MDN1: variants seen among roughly 807,000 people sequenced by gnomAD.
The protein encoded by MDN1 is midasin.
In MDN1, 266 loss-of-function variants were observed where a neutral mutation model predicts 669.2. The observed-to-expected ratio is 0.40, with a 90% confidence interval of 0.36 to 0.44. The LOEUF is 0.44. MDN1 is among the 20% of genes least tolerant of loss of function. The pLI is 1.00. For missense variants in MDN1, 5,940 were observed against 6,754.0 expected, an observed-to-expected ratio of 0.88 and a Z score of 4.22; for synonymous variants, 2,385 against 2,457.1, an observed-to-expected ratio of 0.97 and a Z score of 0.87.
Position 89,692,596 on chromosome 6 carries a change from G to A in MDN1, c.10434C>T (p.Arg3478=), listed in dbSNP as rs1169303955. 3 of 1,614,234 alleles carry A rather than the reference G, an allele frequency of 1.9e-6. No individual in the cohort carries two copies. Among genetic ancestry groups the A allele is most frequent in the Non-Finnish European group, 2.5e-6 (3 of 1,180,036 alleles). ...TGCCTTCCAGCTCCTTTCCTCCTGA[G>A]CGCTTGAGGATTAGCTTCCCAAGGC... ...LRGLGKLILK[R]SGGKELEGKG... is the part of the protein sequence containing the mutation. Residue 3478 remains arginine, a synonymous_variant, in exon 63 of 102, where the codon CGC becomes CGT. Coordinates refer to ENST00000369393, the MANE Select transcript of MDN1 (RefSeq NM_014611.3).
chr6:89,793,206 G>A (rs886371946), intron 5 of MDN1, among the ~76,000 whole-genome samples: 1 of 152,178 alleles, frequency 6.6e-6, no homozygotes, highest in African/African-American at 2.4e-5. Flanking sequence ...GAGGCTGCTG[G>A]GAGTCATCTC....
At chr6:89,749,165 A>T in intron 26 of MDN1, 58 bp downstream of exon 26, 1 of 1,453,788 alleles carries the variant, frequency 6.9e-7, no homozygotes, top group Non-Finnish European at 9.3e-7. Context: ...CTAACAAAAG[A>T]AGCCATGAAA....
At chr6:89,736,626 CAA>C (rs55799103) in intron 33 of MDN1, among the ~76,000 whole-genome samples, 1 of 150,376 alleles carries the variant, frequency 6.6e-6, no homozygotes, top group African/African-American at 2.4e-5. Context: ...CCCCATCTCT[CAA>C]AAAAAAAACA....
intron 88 of MDN1, 38 bp from the exon 89 acceptor site, chr6:89,658,955 T>C (rs755092948): frequency 9.8e-6 from 15 of 1,537,774 alleles, no homozygotes; most frequent in Admixed American, 2.1e-5. Context: ...TGCAGAATTT[T>C]TGAAACGTAC....
At chr6:89,819,281 G>A (rs544618549) in intron 1 of MDN1, among the ~76,000 whole-genome samples, 1 of 152,274 alleles carries the variant, frequency 6.6e-6, no homozygotes, top group Admixed American at 6.5e-5. Flanking sequence ...CGATGGGAAG[G>A]GTACTGGAAG....
chr6:89,739,804 G>A (rs1254498337), intron 32 of MDN1, among the ~76,000 whole-genome samples: 1 of 152,200 alleles, frequency 6.6e-6, no homozygotes, highest in African/African-American at 2.4e-5. Flanking sequence ...AGGGTTCCTG[G>A]TTGTGACTTT....
At chr6:89,749,150 T>G (rs1816824827) in intron 26 of MDN1, 73 bp downstream of exon 26, 1 of 1,401,600 alleles carries the variant, frequency 7.1e-7, no homozygotes, top group Admixed American at 2.3e-5. Flanking sequence ...GACAGATTCT[T>G]TTTTCTAACA....
intron 14 of MDN1, among the ~76,000 whole-genome samples, chr6:89,772,113 A>T (rs369350105): frequency 5.3e-5 from 8 of 152,222 alleles, no homozygotes; most frequent in Admixed American, 3.3e-4. Context: ...AAAACTTTAA[A>T]AATTAGCCAG....
chr6:89,739,354 G>C (rs1313644723), intron 32 of MDN1, among the ~76,000 whole-genome samples: 1 of 152,064 alleles, frequency 6.6e-6, no homozygotes, highest in Admixed American at 6.5e-5. Context: ...ATTTCTACTT[G>C]CCCAGAAGCC....
chr6:89,664,888 T>TGTCTTTGTAGGATAATTTGCAAGA (rs1810075370), intron 84 of MDN1, among the ~76,000 whole-genome samples: 1 of 152,214 alleles, frequency 6.6e-6, no homozygotes, highest in African/African-American at 2.4e-5. Context: ...CAAGAATATA[T>TGTCTTTGTAGGATAATTTGCAAGA]ATTCTTTGTA....
In MDN1 at chr6:89,728,343, A is replaced by T. The variant is rs572161330; in HGVS notation, c.5350-388T>A. 2.5e-3 allele frequency among the ~76,000 whole-genome samples: 375 copies of T among 152,056 alleles called. 2 individuals are homozygous for T. Among genetic ancestry groups the T allele is most frequent in the African/African-American group, 8.2e-3 (339 of 41,482 alleles). ...AGTCATTTTATTTCTACCACTTTTT[A>T]AAAAAAAATTTAAGCAAAAAATTAA... On this transcript the variant is annotated intron_variant, in intron 36 of 101. Coordinates refer to ENST00000369393, the MANE Select transcript of MDN1 (RefSeq NM_014611.3).
At chr6:89,819,429 C>A in intron 1 of MDN1, 77 bp downstream of exon 1, 2 of 1,307,922 alleles carry the variant, frequency 1.5e-6, no homozygotes, top group South Asian at 1.3e-5. Context: ...CGGCGAGTAT[C>A]GGCGGGGGAG....
intron 2 of MDN1, chr6:89,797,855 C>T (rs1819688470): frequency 5.3e-6 from 1 of 187,796 alleles, no homozygotes; most frequent in Non-Finnish European, 1.1e-5. Flanking sequence ...GATCTCCTTA[C>T]ACAGCAGCCA....
At chr6:89,661,685 C>T in intron 87 of MDN1, 107 bp from the exon 88 acceptor site, 4 of 1,067,912 alleles carry the variant, frequency 3.7e-6, no homozygotes, top group South Asian at 1.8e-5. Context: ...TGAGAGAACA[C>T]AATATCTATT....
intron 19 of MDN1, among the ~76,000 whole-genome samples, chr6:89,757,751 T>C (rs1267088380): frequency 6.6e-6 from 1 of 151,720 alleles, no homozygotes; most frequent in African/African-American, 2.4e-5. Flanking sequence ...CTGCTAAAAA[T>C]ACAAAAACTT....
At chr6:89,745,985 GA>G (rs894252034) in intron 27 of MDN1, among the ~76,000 whole-genome samples, 2 of 151,696 alleles carry the variant, frequency 1.3e-5, no homozygotes, top group African/African-American at 4.8e-5. Context: ...AAAAGAAAAA[GA>G]AAAAAAAGAA....
intron 26 of MDN1, 133 bp from the exon 27 acceptor site, chr6:89,747,603 A>C: frequency 1.8e-6 from 2 of 1,112,410 alleles, no homozygotes; most frequent in Non-Finnish European, 2.5e-6. Context: ...AATAAGATTA[A>C]TTTTTTGGCC....
intron 37 of MDN1, among the ~76,000 whole-genome samples, chr6:89,726,969 T>TC (rs1461286123): frequency 6.6e-6 from 1 of 152,162 alleles, no homozygotes; most frequent in East Asian, 1.9e-4. Context: ...TGAATGCAAT[T>TC]CCACTAAATA....
chr6:89,719,201 A>G lies in MDN1; in HGVS notation c.5992T>C (p.Phe1998Leu), dbSNP rs1814641750. ...KKVIAVFKDV[F>L]GSNSNPYMGT... ...ATGTATGGGTTGGAATTTGAACCAAACACATCCTTGAATACAGCAATGACC... is the reference window on the plus strand; with the variant it reads ...ATGTATGGGTTGGAATTTGAACCAAGCACATCCTTGAATACAGCAATGACC... Residue 1998 changes from phenylalanine (F) to leucine (L), a missense_variant, in exon 41 of 102, where the codon TTT becomes CTT. Phe to Leu is a conservative substitution (Grantham distance 22). Coordinates refer to ENST00000369393, the MANE Select transcript of MDN1 (RefSeq NM_014611.3). 1 of 1,613,516 alleles carries G rather than the reference A, an allele frequency of 6.2e-7. No individual in the cohort carries two copies. The highest frequency in any genetic ancestry group is 1.3e-5 in the African/African-American group (1 of 74,922).
Sources: gnomAD v4.1 joint callset for allele counts (sites outside exome capture counted in the v4.1 genomes callset) on GRCh38, gnomAD v4.1.1 for gene constraint, MANE v1.5 for transcripts, NCBI Gene and HGNC (gene_info 2026-07-23, HGNC 2026-07-21) for gene names.